STX12: variants seen among roughly 807,000 people sequenced by gnomAD.
STX12 encodes the protein syntaxin 12.
Under a neutral mutation model 42.2 loss-of-function variants are expected in STX12, and 17 were observed. The ratio of observed to expected loss-of-function variants is 0.40; its 90% CI spans 0.28 to 0.60. The LOEUF (loss-of-function observed/expected upper bound fraction) is 0.60. STX12 is among the 20% of genes least tolerant of loss of function. STX12 has a pLI of 0.39. For synonymous variants in STX12, 108 were observed against 116.7 expected (o/e 0.93, Z 0.48); for missense variants, 297 against 330.9 (o/e 0.90, Z 0.79).
intron 2 of STX12, among the ~76,000 whole-genome samples, chr1:27,789,935 G>C (rs919625855): frequency 2.0e-5 from 3 of 152,102 alleles, no homozygotes; most frequent in African/African-American, 7.2e-5. Context: ...TCACAACTCT[G>C]CCTAAATGAG....
intron 1 of STX12, among the ~76,000 whole-genome samples, chr1:27,779,700 C>G (rs2088653584): frequency 6.6e-6 from 1 of 152,058 alleles, no homozygotes; most frequent in South Asian, 2.1e-4. Context: ...GCCATATTTT[C>G]TACTCTTCCT....
intron 1 of STX12, among the ~76,000 whole-genome samples, chr1:27,788,403 TAG>T (rs1447212482): frequency 6.6e-6 from 1 of 152,214 alleles, no homozygotes; most frequent in Non-Finnish European, 1.5e-5. Context: ...AGGCTGGCGT[TAG>T]AGTGTTCCTC....
Position 27,797,875 on chromosome 1 carries a change from A to AACACACACACACAC in STX12, c.289-3783_289-3770dup, listed in dbSNP as rs61106135. Among the ~76,000 whole-genome samples, 354 of 143,186 alleles carry AACACACACACACAC rather than the reference A, an allele frequency of 2.5e-3. 1 individual carries two copies. Among genetic ancestry groups the AACACACACACACAC allele is most frequent in the African/African-American group, 8.7e-3 (337 of 38,850 alleles). 93.9% of individuals were successfully genotyped at this position (143,186 alleles called of 152,430 possible). On this transcript the variant is annotated intron_variant, in intron 3 of 8. Transcript: ENST00000373943. Reference sequence around the variant, plus strand: ...AAGGGGAAAAAAAATTCTGAAGGTAAACACACACACACACACACACACACA... The same window carrying AACACACACACACAC: ...AAGGGGAAAAAAAATTCTGAAGGTAAACACACACACACACACACACACACACACACACACACACA...
At chr1:27,801,382 C>T (rs1028225840) in intron 3 of STX12, among the ~76,000 whole-genome samples, 3 of 148,838 alleles carry the variant, frequency 2.0e-5, no homozygotes, top group South Asian at 2.1e-4. Context: ...CCAGCCTGGG[C>T]GACAGAGCAA....
At chr1:27,810,999 TA>T (rs1227182157) in intron 5 of STX12, among the ~76,000 whole-genome samples, 1 of 151,962 alleles carries the variant, frequency 6.6e-6, no homozygotes, top group African/African-American at 2.4e-5. Context: ...GTATAATAAG[TA>T]ATATGTTTTC....
At position 27,788,990 on chromosome 1, in the gene STX12, G is replaced by C. The variant is rs540450968; in HGVS notation, c.119-572G>C. Reference sequence around the variant, plus strand: ...CGTGCCACTGCACTCCAGCCTGGGTGACAGAGTGAGACTCCATCTCAAAAA... The same window carrying C: ...CGTGCCACTGCACTCCAGCCTGGGTCACAGAGTGAGACTCCATCTCAAAAA... On this transcript the variant is annotated intron_variant, in intron 1 of 8. Coordinates refer to ENST00000373943, the MANE Select transcript of STX12 (RefSeq NM_177424.3). Among the ~76,000 whole-genome samples, 5 of 151,710 alleles carry C rather than the reference G, an allele frequency of 3.3e-5. No homozygotes were observed. The East Asian group carries it at 9.7e-4, about 29-fold the overall frequency.
chr1:27,783,794 A>T (rs886512719), intron 1 of STX12, among the ~76,000 whole-genome samples: 1 of 152,214 alleles, frequency 6.6e-6, no homozygotes, highest in Non-Finnish European at 1.5e-5. Context: ...CTAACATAAA[A>T]CCTTCATTTA....
chr1:27,784,403 T>C (rs891490249), intron 1 of STX12, among the ~76,000 whole-genome samples: 1 of 152,084 alleles, frequency 6.6e-6, no homozygotes, highest in Non-Finnish European at 1.5e-5. Context: ...AAATTTTTTG[T>C]AGAGGCAGTT....
intron 3 of STX12, among the ~76,000 whole-genome samples, chr1:27,799,486 T>G (rs1025348751): frequency 4.7e-5 from 7 of 149,064 alleles, no homozygotes; most frequent in South Asian, 2.1e-4. Context: ...TGTTTTTTTT[T>G]TTGTTTTTTT....
intron 6 of STX12, among the ~76,000 whole-genome samples, chr1:27,816,071 T>C (rs958474713): frequency 2.0e-5 from 3 of 152,094 alleles, no homozygotes; most frequent in Non-Finnish European, 2.9e-5. Context: ...ATCCCAGCAC[T>C]TTGGGAGGCC....
chr1:27,822,459 C>T lies in STX12; in HGVS notation c.*130C>T. The T allele has an allele frequency of 1.6e-6, 1 of 631,060 alleles. No individual in the cohort carries two copies. Among genetic ancestry groups the T allele is most frequent in the South Asian group, 1.9e-5 (1 of 51,682 alleles). 39.1% of individuals were successfully genotyped at this position (631,060 alleles called of 1,614,324 possible). A position where few individuals can be genotyped will look rare whatever the true frequency, so the allele number is the denominator to read the frequency against. On this transcript the variant is annotated 3_prime_UTR_variant, in exon 9 of 9. Coordinates refer to ENST00000373943, the MANE Select transcript of STX12 (RefSeq NM_177424.3). The stretch of plus-strand genomic sequence containing the variant: ...CTGTAATCATTTAGTTAGAAACTAA[C>T]TACTAACTAGTCTTTGGAATTCGTG...
At chr1:27,799,031 G>A (rs992834415) in intron 3 of STX12, among the ~76,000 whole-genome samples, 7 of 151,882 alleles carry the variant, frequency 4.6e-5, no homozygotes, top group African/African-American at 1.7e-4. Flanking sequence ...TAAAAGTTAT[G>A]ATAATATTTT....
chr1:27,781,917 G>T (rs958961877), intron 1 of STX12, among the ~76,000 whole-genome samples: 5 of 152,058 alleles, frequency 3.3e-5, no homozygotes, highest in Non-Finnish European at 7.4e-5. Flanking sequence ...GTGCTTTTAT[G>T]TGCCATTGTT....
rs2088606435 is a variant in STX12, at chr1:27,773,221, C to A, written c.-87C>A. Reference sequence around the variant, plus strand: ...GCTCCTTCCCCGCCCTTGCTCTTCCCAGTTTCTCCGTCAGCCTGCGGGTCC... The same window carrying A: ...GCTCCTTCCCCGCCCTTGCTCTTCCAAGTTTCTCCGTCAGCCTGCGGGTCC... On this transcript the variant is annotated 5_prime_UTR_variant, in exon 1 of 9. Coordinates refer to ENST00000373943, the MANE Select transcript of STX12 (RefSeq NM_177424.3). The A allele has an allele frequency of 2.3e-6, 2 of 862,178 alleles. No individual in the cohort carries two copies. The highest frequency in any genetic ancestry group is 2.4e-5 in the Admixed American group (1 of 42,420). The allele number at this position is 862,178 out of a possible 1,614,324, so 53.4% of individuals were successfully genotyped here.
intron 6 of STX12, 135 bp downstream of exon 6, chr1:27,812,403 TC>T: frequency 2.9e-6 from 2 of 689,126 alleles, no homozygotes; most frequent in South Asian, 3.8e-5. Flanking sequence ...TTTTTCTGTC[TC>T]AGTGTAATCA....
At chr1:27,808,615 T>A (rs954324117) in intron 4 of STX12, among the ~76,000 whole-genome samples, 2 of 152,158 alleles carry the variant, frequency 1.3e-5, no homozygotes, top group African/African-American at 4.8e-5. Flanking sequence ...GTGCTGGGAT[T>A]GGGATTACAG....
intron 8 of STX12, chr1:27,819,951 T>C (rs933012672): frequency 1.5e-5 from 7 of 465,604 alleles, no homozygotes; most frequent in Non-Finnish European, 2.4e-5. Flanking sequence ...GGCTAGTAAC[T>C]GCAAAGCTAA....
At chr1:27,786,291 A>G (rs1057028510) in intron 1 of STX12, among the ~76,000 whole-genome samples, 1 of 145,718 alleles carries the variant, frequency 6.9e-6, no homozygotes, top group Non-Finnish European at 1.5e-5. Context: ...TGTACTGATT[A>G]CTCTCTTCTC....
chr1:27,799,650 A>AT (rs1199635138), intron 3 of STX12, among the ~76,000 whole-genome samples: 1 of 150,022 alleles, frequency 6.7e-6, no homozygotes, highest in Admixed American at 6.7e-5. Flanking sequence ...CGCCTGGCTA[A>AT]TTTTTTGTAT....
Sources: allele counts gnomAD v4.1 joint callset (sites outside exome capture counted in the v4.1 genomes callset), GRCh38; gene constraint gnomAD v4.1.1; transcripts MANE v1.5; gene names NCBI Gene and HGNC (gene_info 2026-07-23, HGNC 2026-07-21).